NEK10: variants seen among roughly 807,000 people sequenced by gnomAD.
NEK10 encodes the protein serine/threonine-protein kinase Nek10.
In NEK10, 122 loss-of-function variants were observed where a neutral mutation model predicts 159.8. That is an observed-to-expected ratio of 0.76 (90% CI 0.66 to 0.89). The LOEUF (loss-of-function observed/expected upper bound fraction) is 0.89, where lower values mean the gene tolerates loss of function less well. NEK10 is among the 40% of genes least tolerant of loss of function. The pLI is 0.00. For synonymous variants in NEK10, 466 were observed against 457.1 expected, an observed-to-expected ratio of 1.02 and a Z score of -0.25; for missense variants, 1,342 against 1,323.1, an observed-to-expected ratio of 1.01 and a Z score of -0.22.
chr3:27,365,652 G>T (rs1382601995), intron 1 of NEK10, among the ~76,000 whole-genome samples: 1 of 87,690 alleles, frequency 1.1e-5, no homozygotes, highest in African/African-American at 4.6e-5. Context: ...TTGCTCTATT[G>T]CCCACGGTGG....
At chr3:27,231,224 A>G (rs1953226780) in intron 23 of NEK10, among the ~76,000 whole-genome samples, 1 of 151,956 alleles carries the variant, frequency 6.6e-6, no homozygotes, top group East Asian at 1.9e-4. Flanking sequence ...TCCAAATCAA[A>G]CAAATACTTG....
At chr3:27,242,563 T>C (rs770713324) in intron 23 of NEK10, among the ~76,000 whole-genome samples, 1 of 152,192 alleles carries the variant, frequency 6.6e-6, no homozygotes, top group African/African-American at 2.4e-5. Context: ...CTATGTCCTG[T>C]TGGCTCCTAG....
intron 30 of NEK10, among the ~76,000 whole-genome samples, chr3:27,154,559 G>A (rs541578504): frequency 6.6e-6 from 1 of 152,096 alleles, no homozygotes; most frequent in Non-Finnish European, 1.5e-5. Flanking sequence ...CAAAATACTA[G>A]CTAACAAAAT....
Position 27,111,249 on chromosome 3 carries a change from A to C in NEK10, c.*23T>G. 1 of 1,605,690 alleles carries C rather than the reference A, an allele frequency of 6.2e-7. No homozygotes were observed. The highest frequency in any genetic ancestry group is 8.5e-7 in the Non-Finnish European group (1 of 1,174,390). ...AACTTGAACTTCACTGAGAAAATCAAGTCCACTCAAAATGCAGCATTTTCA... is the reference window on the plus strand; with the variant it reads ...AACTTGAACTTCACTGAGAAAATCACGTCCACTCAAAATGCAGCATTTTCA... On this transcript the variant is annotated 3_prime_UTR_variant, in exon 36 of 36. Transcript: ENST00000691995.
intron 1 of NEK10, among the ~76,000 whole-genome samples, chr3:27,368,047 C>A (rs1037452020): frequency 1.3e-5 from 2 of 152,154 alleles, no homozygotes; most frequent in Admixed American, 6.5e-5. Flanking sequence ...AATTCCAGCA[C>A]TTTGGGAGGC....
At chr3:27,178,049 C>T in intron 26 of NEK10, among the ~76,000 whole-genome samples, 1 of 152,044 alleles carries the variant, frequency 6.6e-6, no homozygotes, top group East Asian at 1.9e-4. Flanking sequence ...AATACGGCGG[C>T]AAGGAGAATA....
intron 31 of NEK10, among the ~76,000 whole-genome samples, chr3:27,132,735 G>T (rs1942765913): frequency 6.6e-6 from 1 of 152,106 alleles, no homozygotes; most frequent in Non-Finnish European, 1.5e-5. Context: ...TTAGAAGAAG[G>T]ATAATAGAAA....
At chr3:27,259,066 G>T (rs1226452564) in intron 22 of NEK10, among the ~76,000 whole-genome samples, 5 of 148,470 alleles carry the variant, frequency 3.4e-5, no homozygotes, top group African/African-American at 1.2e-4. Flanking sequence ...TGATGCAGTT[G>T]TTTTTTTTTT....
At chr3:27,164,871 C>CT (rs780047216) in intron 29 of NEK10, among the ~76,000 whole-genome samples, 1 of 152,198 alleles carries the variant, frequency 6.6e-6, no homozygotes, top group African/African-American at 2.4e-5. Flanking sequence ...TGCAAGATGA[C>CT]TATTCCAGAT....
intron 23 of NEK10, among the ~76,000 whole-genome samples, chr3:27,228,077 A>G (rs1952822484): frequency 6.6e-6 from 1 of 152,248 alleles, no homozygotes; most frequent in Non-Finnish European, 1.5e-5. Context: ...GAAAACGATC[A>G]CCAATGAATA....
intron 30 of NEK10, among the ~76,000 whole-genome samples, chr3:27,145,693 C>T (rs1021742014): frequency 1.3e-5 from 2 of 151,954 alleles, no homozygotes; most frequent in Admixed American, 6.6e-5. Context: ...AAAACACCTC[C>T]CAGTGCCTGT....
intron 22 of NEK10, among the ~76,000 whole-genome samples, chr3:27,270,138 G>A (rs570307979): frequency 5.9e-5 from 9 of 152,252 alleles, no homozygotes; most frequent in East Asian, 3.9e-4. Flanking sequence ...TCCAAGGTTC[G>A]GTTATAAAGA....
At chr3:27,368,498 C>T (rs945724473) in intron 1 of NEK10, among the ~76,000 whole-genome samples, 1 of 151,968 alleles carries the variant, frequency 6.6e-6, no homozygotes, top group East Asian at 1.9e-4. Flanking sequence ...GATTCAACAC[C>T]TATTAAGAAG....
In NEK10 at chr3:27,107,103, A is replaced by G. The variant is rs889320576; in HGVS notation, c.*4169T>C. ...CTTAAATTTTTTATATTATTAGACA[A>G]TTGTTACATACATGCAATAAAGCAT... On this transcript the variant is annotated 3_prime_UTR_variant, in exon 36 of 36. Transcript: ENST00000691995. 6.6e-6 allele frequency among the ~76,000 whole-genome samples: 1 copy of G among 152,078 alleles called. No homozygotes were observed. The highest frequency in any genetic ancestry group is 2.4e-5 in the African/African-American group (1 of 41,392).
At chr3:27,294,623 C>T (rs2043219617) in intron 15 of NEK10, among the ~76,000 whole-genome samples, 1 of 152,170 alleles carries the variant, frequency 6.6e-6, no homozygotes, top group Non-Finnish European at 1.5e-5. Flanking sequence ...CTGCACCTTC[C>T]CGTTGGTAGC....
At chr3:27,148,595 AAATACTTTT>A (rs1284358441) in intron 30 of NEK10, among the ~76,000 whole-genome samples, 1 of 152,220 alleles carries the variant, frequency 6.6e-6, no homozygotes, top group Non-Finnish European at 1.5e-5. Context: ...GCATATTTGT[AAATACTTTT>A]AACATATTTT....
At chr3:27,268,164 G>A (rs2041056379) in intron 22 of NEK10, among the ~76,000 whole-genome samples, 1 of 152,196 alleles carries the variant, frequency 6.6e-6, no homozygotes, top group Non-Finnish European at 1.5e-5. Context: ...GCAGAGGTTG[G>A]TTCACGAGGT....
At chr3:27,287,564 AC>A in intron 20 of NEK10, 133 bp downstream of exon 20, 1 of 840,164 alleles carries the variant, frequency 1.2e-6, no homozygotes, top group Non-Finnish European at 1.8e-6. Context: ...GATGCTTAAG[AC>A]CATCTACTGT....
At chr3:27,262,863 C>A (rs1406430559) in intron 22 of NEK10, among the ~76,000 whole-genome samples, 1 of 152,172 alleles carries the variant, frequency 6.6e-6, no homozygotes, top group African/African-American at 2.4e-5. Context: ...AGCTTTGTTC[C>A]ATTGCTGGTG....
Sources: gnomAD v4.1 joint callset for allele counts (sites outside exome capture counted in the v4.1 genomes callset) on GRCh38, gnomAD v4.1.1 for gene constraint, MANE v1.5 for transcripts, NCBI Gene and HGNC (gene_info 2026-07-23, HGNC 2026-07-21) for gene names.